Variants in CAMK1D observed in about 807,000 individuals in gnomAD.
The protein encoded by CAMK1D is calcium/calmodulin-dependent protein kinase type 1D.
CAMK1D carries 9 observed loss-of-function variants against 47.7 expected under a neutral mutation model. That is an observed-to-expected ratio of 0.19 (90% CI 0.11 to 0.33). The LOEUF (loss-of-function observed/expected upper bound fraction) is 0.33. Among genes scored for constraint, CAMK1D ranks in the 10% least tolerant of loss-of-function variants. The pLI, the probability that CAMK1D is intolerant of heterozygous loss-of-function variation, is 1.00. For missense variants in CAMK1D, 291 were observed against 488.7 expected (o/e 0.60, Z 3.81); for synonymous variants, 184 against 184.9 (o/e 0.99, Z 0.04).
chr10:12,512,629 G>C (rs908490340), intron 1 of CAMK1D, among the ~76,000 whole-genome samples: 4 of 152,190 alleles, frequency 2.6e-5, no homozygotes, highest in African/African-American at 9.7e-5. Context: ...CTCCGTAGTG[G>C]CTACTGGGGC....
intron 1 of CAMK1D, among the ~76,000 whole-genome samples, chr10:12,511,859 C>T (rs112581101): frequency 1.3e-5 from 2 of 152,238 alleles, no homozygotes; most frequent in Non-Finnish European, 2.9e-5. Context: ...TCTCGCCAAG[C>T]CAGCGGCATC....
rs1835365230 is a variant in CAMK1D, at chr10:12,520,291, C to T, written c.93-32934C>T. On this transcript the variant is annotated intron_variant, in intron 1 of 10. Transcript: ENST00000619168. Reference sequence around the variant, plus strand: ...GCAGAGGCGCTCCTCACATCCTAGACAGGGCGGCGGGGCAGAGGCGCTCCC... The same window carrying T: ...GCAGAGGCGCTCCTCACATCCTAGATAGGGCGGCGGGGCAGAGGCGCTCCC... Among the ~76,000 whole-genome samples, 3 of 85,684 alleles carry T rather than the reference C, an allele frequency of 3.5e-5. 1 individual carries two copies. Among genetic ancestry groups the T allele is most frequent in the Admixed American group, 3.4e-4 (3 of 8,722 alleles). The allele number at this position is 85,684 out of a possible 152,430, so 56.2% of individuals were successfully genotyped here.
intron 3 of CAMK1D, among the ~76,000 whole-genome samples, chr10:12,715,869 C>G (rs1834112907): frequency 1.3e-5 from 2 of 151,666 alleles, no homozygotes; most frequent in Non-Finnish European, 2.9e-5. Context: ...GCCACGATGC[C>G]TAGCTAATTT....
At chr10:12,438,708 A>T (rs1832700967) in intron 1 of CAMK1D, among the ~76,000 whole-genome samples, 1 of 152,156 alleles carries the variant, frequency 6.6e-6, no homozygotes. Context: ...TGAGACTTAG[A>T]ATTCTCACCA....
In CAMK1D at chr10:12,466,592, C is replaced by CTT. The variant is rs397844890; in HGVS notation, c.93-86617_93-86616dup. On this transcript the variant is annotated intron_variant, in intron 1 of 10. Transcript: ENST00000619168. ...AGGGCAAGACCCTGTCTCTGAATTTCTTTTTTTTTTTTTTTTTAGAAGTCA... is the reference window on the plus strand; with the variant it reads ...AGGGCAAGACCCTGTCTCTGAATTTCTTTTTTTTTTTTTTTTTTTAGAAGTCA... Among the ~76,000 whole-genome samples, 180 of 132,468 alleles carry CTT rather than the reference C, an allele frequency of 1.4e-3. 1 individual carries two copies. The highest frequency in any genetic ancestry group is 1.6e-3 in the Non-Finnish European group (98 of 61,466). 86.9% of individuals were successfully genotyped at this position (132,468 alleles called of 152,430 possible). A position where few individuals can be genotyped will look rare whatever the true frequency, so the allele number is the denominator to read the frequency against.
At chr10:12,646,832 TATTTTTA>T (rs1010162278) in intron 2 of CAMK1D, among the ~76,000 whole-genome samples, 3 of 152,150 alleles carry the variant, frequency 2.0e-5, no homozygotes, top group East Asian at 1.9e-4. Context: ...TATTTATTTT[TATTTTTA>T]ATTTTTAATT....
chr10:12,686,297 TGTA>T (rs1198648111), intron 3 of CAMK1D, among the ~76,000 whole-genome samples: 1 of 152,144 alleles, frequency 6.6e-6, no homozygotes, highest in East Asian at 1.9e-4. Flanking sequence ...TGCATGATGT[TGTA>T]GTAGTACATA....
chr10:12,750,810 G>A (rs528142096), intron 3 of CAMK1D, among the ~76,000 whole-genome samples: 1 of 152,282 alleles, frequency 6.6e-6, no homozygotes, highest in South Asian at 2.1e-4. Context: ...CAGCACTTTG[G>A]GAGTCTGAGG....
intron 5 of CAMK1D, among the ~76,000 whole-genome samples, chr10:12,779,124 G>A (rs933447100): frequency 5.3e-5 from 8 of 152,102 alleles, no homozygotes; most frequent in South Asian, 2.1e-4. Context: ...TAGGAGAAAC[G>A]ATGGGCCCAT....
intron 2 of CAMK1D, among the ~76,000 whole-genome samples, chr10:12,564,549 C>T (rs944851878): frequency 1.3e-5 from 2 of 152,096 alleles, no homozygotes; most frequent in Non-Finnish European, 2.9e-5. Flanking sequence ...CTGTTTTTCT[C>T]AAAGCTTAAA....
intron 3 of CAMK1D, among the ~76,000 whole-genome samples, chr10:12,713,865 A>C (rs1834022344): frequency 6.6e-6 from 1 of 152,246 alleles, no homozygotes; most frequent in Non-Finnish European, 1.5e-5. Flanking sequence ...ATTCATAATA[A>C]AATGTATAAT....
intron 1 of CAMK1D, among the ~76,000 whole-genome samples, chr10:12,508,020 G>A (rs879392337): frequency 2.1e-4 from 32 of 152,160 alleles, no homozygotes; most frequent in African/African-American, 7.2e-4. Context: ...TCCCTGGCGC[G>A]TTGATTTGAC....
intron 1 of CAMK1D, among the ~76,000 whole-genome samples, chr10:12,492,758 G>A (rs1319614891): frequency 1.3e-5 from 2 of 152,184 alleles, no homozygotes; most frequent in East Asian, 1.9e-4. Flanking sequence ...CCACCCCAAG[G>A]AGTCAGTTGT....
chr10:12,611,182 C>A (rs1307842301), intron 2 of CAMK1D, among the ~76,000 whole-genome samples: 1 of 152,140 alleles, frequency 6.6e-6, no homozygotes, highest in Non-Finnish European at 1.5e-5. Flanking sequence ...TCTGCTGGTT[C>A]CTGCCTGGTG....
At chr10:12,574,468 A>ATTTTTTTTTTTTT (rs1171556305) in intron 2 of CAMK1D, among the ~76,000 whole-genome samples, 1 of 61,370 alleles carries the variant, frequency 1.6e-5, no homozygotes, top group African/African-American at 7.4e-5. Flanking sequence ...CGCCTAGCTA[A>ATTTTTTTTTTTTT]TTTTTTTTTT....
At chr10:12,766,729 GGCT>G (rs1352063568) in intron 4 of CAMK1D, among the ~76,000 whole-genome samples, 1 of 152,074 alleles carries the variant, frequency 6.6e-6, no homozygotes, top group African/African-American at 2.4e-5. Flanking sequence ...ACCTTGGCCT[GGCT>G]TCAGCAGGAG....
intron 2 of CAMK1D, among the ~76,000 whole-genome samples, chr10:12,660,824 G>A (rs1464578780): frequency 2.0e-5 from 3 of 152,238 alleles, no homozygotes; most frequent in East Asian, 1.9e-4. Flanking sequence ...TTTGAATTAC[G>A]CACATTTCAG....
intron 3 of CAMK1D, among the ~76,000 whole-genome samples, chr10:12,759,981 A>T (rs1476378640): frequency 6.6e-6 from 1 of 152,038 alleles, no homozygotes; most frequent in East Asian, 1.9e-4. Flanking sequence ...AATCTGTCTC[A>T]TCTTGTTTTT....
chr10:12,360,493 CT>C (rs1400412651), intron 1 of CAMK1D, among the ~76,000 whole-genome samples: 1 of 152,188 alleles, frequency 6.6e-6, no homozygotes, highest in Non-Finnish European at 1.5e-5. Flanking sequence ...TGGGCTAATA[CT>C]TCCTTAACCT....
Sources: gnomAD v4.1 joint callset for allele counts (sites outside exome capture counted in the v4.1 genomes callset) on GRCh38, gnomAD v4.1.1 for gene constraint, MANE v1.5 for transcripts, NCBI Gene and HGNC (gene_info 2026-07-23, HGNC 2026-07-21) for gene names.